Variants in COG8 observed in about 807,000 individuals in gnomAD.
The protein encoded by COG8 is conserved oligomeric Golgi complex subunit 8.
A neutral mutation model predicts 46.5 loss-of-function variants in COG8; 45 were observed. That is an observed-to-expected ratio of 0.97 (90% CI 0.76 to 1.24). COG8 has a LOEUF of 1.24. Ranked by LOEUF, COG8 falls within the 50% of genes most tolerant of loss-of-function variation. The probability of loss-of-function intolerance (pLI) is 0.00; values close to 1 mark genes in which losing one functional copy is unlikely to be tolerated. For synonymous variants in COG8, 407 were observed against 347.8 expected (o/e 1.17, Z -1.90); for missense variants, 793 against 820.8 (o/e 0.97, Z 0.41).
chr16:69,333,166 GT>G lies in COG8; in HGVS notation c.1414-285del, dbSNP rs554776759. 0.053 allele frequency among the ~76,000 whole-genome samples: 6,941 copies of G among 130,838 alleles called. 480 individuals carry two copies. Among genetic ancestry groups the G allele is most frequent in the African/African-American group, 0.17 (6,110 of 35,878 alleles). 85.8% of individuals were successfully genotyped at this position (130,838 alleles called of 152,430 possible). A position where few individuals can be genotyped will look rare whatever the true frequency, so the allele number is the denominator to read the frequency against. On this transcript the variant is annotated intron_variant, in intron 3 of 5. Coordinates refer to ENST00000306875, the MANE Select transcript of COG8 (RefSeq NM_032382.5). ...ACTATAGAGAGAATACATGGTTTTG[GT>G]TTTTTTTTTTTTTTTTTTAGAGACA... is the stretch of plus-strand genomic sequence containing the variant.
chr16:69,331,570 G>C (rs974433501), intron 4 of COG8, among the ~76,000 whole-genome samples: 1 of 148,128 alleles, frequency 6.8e-6, no homozygotes, highest in African/African-American at 2.5e-5. Context: ...TGGCGTGATT[G>C]CTGCTCACTG....
intron 4 of COG8, among the ~76,000 whole-genome samples, chr16:69,332,243 G>A (rs746875485): frequency 2.0e-5 from 3 of 152,106 alleles, no homozygotes; most frequent in African/African-American, 4.8e-5. Context: ...CCAGCTACTC[G>A]GGAGGCTGAG....
intron 2 of COG8, among the ~76,000 whole-genome samples, chr16:69,335,714 G>C (rs2012168989): frequency 1.3e-5 from 2 of 151,852 alleles, no homozygotes. Flanking sequence ...TACTCGGGAG[G>C]CAGAGGCAGG....
In COG8 at chr16:69,326,864, G is replaced by T. The variant is rs1012311544; in HGVS notation, c.*2342C>A. The T allele has an allele frequency of 6.6e-6, 1 of 152,156 alleles. No homozygotes were observed. Among genetic ancestry groups the T allele is most frequent in the Non-Finnish European group, 1.5e-5 (1 of 68,038 alleles). 9.4% of individuals were successfully genotyped at this position (152,156 alleles called of 1,614,324 possible). A position where few individuals can be genotyped will look rare whatever the true frequency, so the allele number is the denominator to read the frequency against. ...GCTCACAACGTTGACATGTATATGC[G>T]TTTTTTGTGAGTGCTTCCTGCTCAA... On this transcript the variant is annotated 3_prime_UTR_variant, in exon 6 of 6. Transcript: ENST00000306875.
chr16:69,335,441 A>G (rs2012155998), intron 2 of COG8, 93 bp from the exon 3 acceptor site: 3 of 1,035,234 alleles, frequency 2.9e-6, no homozygotes, highest in Non-Finnish European at 4.3e-6. Flanking sequence ...CAACATTCCC[A>G]TGGCTTTCCT....
chr16:69,334,557 C>A lies in COG8; in HGVS notation c.1377G>T (p.Gln459His), dbSNP rs1340034639. ...LRLCCPVALA[Q>H]DVTGALEDAL... The stretch of plus-strand genomic sequence containing the variant: ...CATCTTCCAAGGCCCCAGTCACATC[C>A]TGCGCCAGGGCCACAGGGCAGCAGA... Residue 459 changes from glutamine (Q) to histidine (H), a missense_variant, in exon 3 of 6, where the codon CAG becomes CAT. Gln to His is a conservative substitution (Grantham distance 24). Coordinates refer to ENST00000306875, the MANE Select transcript of COG8 (RefSeq NM_032382.5). The A allele has an allele frequency of 6.2e-7, 1 of 1,614,084 alleles. No individual in the cohort carries two copies. The highest frequency in any genetic ancestry group is 8.5e-7 in the Non-Finnish European group (1 of 1,180,054).
rs772552486 is a variant in COG8 at position 69,339,224 on chromosome 16, G to A, written c.329C>T (p.Ser110Leu). The change falls in exon 1 of 6, where the codon TCG becomes TTG. Residue 110 changes from serine to leucine, a missense_variant. Coordinates refer to ENST00000306875, the MANE Select transcript of COG8 (RefSeq NM_032382.5). ...CAAACGGTCGAGCAGGCGGCCGAGC[G>A]ACGCCTCCACGTCGCCAAACAGGCG... The part of the protein sequence containing the change: ...IHRLFGDVEA[S>L]LGRLLDRLPS... The A allele has an allele frequency of 1.9e-6, 3 of 1,612,692 alleles. No individual in the cohort carries two copies. Among genetic ancestry groups the A allele is most frequent in the East Asian group, 2.2e-5 (1 of 44,884 alleles).
rs1277175765 is a variant in COG8 at position 69,333,818 on chromosome 16, ATC to A, written c.1413+701_1413+702del. 2.0e-5 allele frequency among the ~76,000 whole-genome samples: 3 copies of A among 152,210 alleles called. No individual in the cohort carries two copies. The East Asian group carries it at 5.8e-4, about 29-fold the overall frequency. ...AGCCTAGGCAACATAGGGAGACACT[ATC>A]TCTCTGTAAAATAAAACACTTTTAA... On this transcript the variant is annotated intron_variant, in intron 3 of 5. Coordinates refer to ENST00000306875, the MANE Select transcript of COG8 (RefSeq NM_032382.5).
At chr16:69,330,174 G>A (rs780427698) in intron 5 of COG8, 5 of 1,516,272 alleles carry the variant, frequency 3.3e-6, no homozygotes, top group East Asian at 2.7e-5. Context: ...GGGCACTCCC[G>A]ACACAGCGCC....
At chr16:69,335,378 G>T in intron 2 of COG8, 30 bp from the exon 3 acceptor site, 1 of 1,531,102 alleles carries the variant, frequency 6.5e-7, no homozygotes, top group Non-Finnish European at 8.8e-7. Flanking sequence ...GTCACACTGC[G>T]CTGGGAAGGA....
chr16:69,332,795 C>T lies in COG8; in HGVS notation c.1501G>A (p.Val501Ile). 1 of 1,614,172 alleles carries T rather than the reference C, an allele frequency of 6.2e-7. No individual in the cohort carries two copies. The highest frequency in any genetic ancestry group is 8.5e-7 in the Non-Finnish European group (1 of 1,180,016). Residue 501 changes from valine to isoleucine, a missense_variant, in exon 4 of 6, where the codon GTC becomes ATC. Val to Ile is a conservative substitution (Grantham distance 29). Transcript: ENST00000306875. ...EQELFVQFCT[V>I]FLEDLVPYLN... ...TACGGAACAAGGTCTTCCAGGAAGA[C>T]AGTGCAGAACTGGACAAAGAGCTCT...
chr16:69,336,179 C>T (rs1459429010), intron 2 of COG8, among the ~76,000 whole-genome samples: 1 of 152,110 alleles, frequency 6.6e-6, no homozygotes, highest in African/African-American at 2.4e-5. Flanking sequence ...CCCTAGACTC[C>T]CTTACCCCAT....
At position 69,330,076 on chromosome 16, in the gene COG8, C is replaced by T. The variant is rs536450135; in HGVS notation, c.*26+737G>A. On this transcript the variant is annotated intron_variant, in intron 5 of 5. Transcript: ENST00000306875. ...TCTCGCAGCCCTCGGGAAAGGTGAC[C>T]AGGCGGCTGTCAAGCACTCGCAGGC... The T allele has an allele frequency of 5.4e-5, 85 of 1,568,056 alleles. 1 individual carries two copies. The South Asian group carries it at 9.6e-4, about 18-fold the overall frequency.
rs1965604443 is a variant in COG8, at chr16:69,326,773, T to G, written c.*2433A>C. ...TGAAATTCACTTCTCTGCCTGGGGA[T>G]TCTGTTATAAACCTTCTGCCTACAT... On this transcript the variant is annotated 3_prime_UTR_variant, in exon 6 of 6. Transcript: ENST00000306875. 1 of 152,220 alleles carries G rather than the reference T, an allele frequency of 6.6e-6. No homozygotes were observed. Among genetic ancestry groups the G allele is most frequent in the South Asian group, 2.1e-4 (1 of 4,838 alleles). 9.4% of individuals were successfully genotyped at this position (152,220 alleles called of 1,614,324 possible).
In COG8 at chr16:69,329,036, T is replaced by G. The variant is rs1250881996; in HGVS notation, c.*170A>C. 1 of 1,609,784 alleles carries G rather than the reference T, an allele frequency of 6.2e-7. No homozygotes were observed. Among genetic ancestry groups the G allele is most frequent in the African/African-American group, 1.3e-5 (1 of 74,922 alleles). ...GTAGCAAAGCTTTAGTCATTCACCT[T>G]CATCCAATAGACGTTTGTGAACGTC... On this transcript the variant is annotated 3_prime_UTR_variant, in exon 6 of 6. Transcript: ENST00000306875.
Position 69,335,196 on chromosome 16 carries a change from C to T in COG8, c.738G>A (p.Lys246=). 6.2e-7 allele frequency: 1 copy of T among 1,614,150 alleles called. No homozygotes were observed. Among genetic ancestry groups the T allele is most frequent in the Non-Finnish European group, 8.5e-7 (1 of 1,180,020 alleles). The change falls in exon 3 of 6, where the codon AAG becomes AAA. Residue 246 remains lysine, a synonymous_variant. Coordinates refer to ENST00000306875, the MANE Select transcript of COG8 (RefSeq NM_032382.5). ...DVFTEAELRV[K]FLQARDAWLR... is the part of the protein sequence containing the mutation. ...GCCAAGCATCTCGGGCCTGAAGAAA[C>T]TTCACCCTCAACTCAGCCTCAGTGA... is the stretch of plus-strand genomic sequence containing the variant.
intron 5 of COG8, chr16:69,330,523 G>T (rs755605675): frequency 6.8e-7 from 1 of 1,474,822 alleles, no homozygotes; most frequent in Non-Finnish European, 8.9e-7. Context: ...CCCACGGCAC[G>T]GCCGCCCACA....
intron 3 of COG8, 89 bp from the exon 4 acceptor site, chr16:69,332,971 C>T: frequency 7.3e-6 from 9 of 1,228,412 alleles, no homozygotes; most frequent in Non-Finnish European, 1.1e-5. Flanking sequence ...ATGTATGCCC[C>T]TCCAGTTTTC....
In COG8 at chr16:69,329,303, T is replaced by C. The variant is rs955458085; in HGVS notation, c.*27-124A>G. On this transcript the variant is annotated intron_variant, in intron 5 of 5. Coordinates refer to ENST00000306875, the MANE Select transcript of COG8 (RefSeq NM_032382.5). ...AAGAGGCAACAGCAGATGGCAAATGTAGACAGCAGCTCCTCTTCTAACTGG... is the reference window on the plus strand; with the variant it reads ...AAGAGGCAACAGCAGATGGCAAATGCAGACAGCAGCTCCTCTTCTAACTGG... The C allele has an allele frequency of 1.8e-5, 18 of 1,007,964 alleles. No homozygotes were observed. In the African/African-American group the frequency reaches 2.3e-4, roughly 13 times the overall value. 62.4% of individuals were successfully genotyped at this position (1,007,964 alleles called of 1,614,324 possible). A position where few individuals can be genotyped will look rare whatever the true frequency, so the allele number is the denominator to read the frequency against.
Sources: gnomAD v4.1 joint callset for allele counts (sites outside exome capture counted in the v4.1 genomes callset) on GRCh38, gnomAD v4.1.1 for gene constraint, MANE v1.5 for transcripts, NCBI Gene and HGNC (gene_info 2026-07-23, HGNC 2026-07-21) for gene names.